GRAMD1B: variants seen among roughly 807,000 people sequenced by gnomAD.
GRAMD1B encodes GRAM domain containing 1B.
In GRAMD1B, 37 loss-of-function variants were observed where a neutral mutation model predicts 99.7. The observed-to-expected ratio is 0.37, with a 90% confidence interval of 0.29 to 0.49. The LOEUF is 0.49. Among genes scored for constraint, GRAMD1B ranks in the 20% least tolerant of loss-of-function variants. The pLI, the probability that GRAMD1B is intolerant of heterozygous loss-of-function variation, is 0.98. For missense variants in GRAMD1B, 888 were observed against 1,009.2 expected, an observed-to-expected ratio of 0.88 and a Z score of 1.63; for synonymous variants, 427 against 387.6, an observed-to-expected ratio of 1.10 and a Z score of -1.19.
At chr11:123,401,311 A>G (rs1947652755) in intron 1 of GRAMD1B, among the ~76,000 whole-genome samples, 1 of 152,200 alleles carries the variant, frequency 6.6e-6, no homozygotes, top group Non-Finnish European at 1.5e-5. Flanking sequence ...CTATTCTGCT[A>G]GAAGCATCCC....
At chr11:123,614,302 T>C (rs183262233) in intron 16 of GRAMD1B, among the ~76,000 whole-genome samples, 1 of 152,206 alleles carries the variant, frequency 6.6e-6, no homozygotes. Context: ...ACTTCCATGT[T>C]ACGTGTTTTG....
chr11:123,367,678 C>T (rs1946366226), intron 1 of GRAMD1B, among the ~76,000 whole-genome samples: 1 of 151,394 alleles, frequency 6.6e-6, no homozygotes, highest in South Asian at 2.1e-4. Flanking sequence ...TTAACTGAGG[C>T]AACACCATTT....
intron 1 of GRAMD1B, among the ~76,000 whole-genome samples, chr11:123,472,680 T>A (rs995220929): frequency 6.6e-6 from 1 of 152,270 alleles, no homozygotes; most frequent in Admixed American, 6.5e-5. Context: ...GTGTCTGATT[T>A]ATATAGGGCT....
chr11:123,579,065 A>G (rs73615848), intron 3 of GRAMD1B, among the ~76,000 whole-genome samples: 8,238 of 152,258 alleles, frequency 0.054, 337 homozygotes, highest in African/African-American at 0.12. Context: ...ATCAGAGGGG[A>G]AAGCTGTTCT....
Position 123,596,620 on chromosome 11 carries a change from A to G in GRAMD1B, c.969+583A>G, listed in dbSNP as rs141757495. On this transcript the variant is annotated intron_variant, in intron 7 of 19. Transcript: ENST00000635736. ...TGGGTTTCTGCTGAAGGCCAAGTTTACAGTTCCCTTGGACTCAGGCAGTTC... is the reference window on the plus strand; with the variant it reads ...TGGGTTTCTGCTGAAGGCCAAGTTTGCAGTTCCCTTGGACTCAGGCAGTTC... Among the ~76,000 whole-genome samples the G allele has an allele frequency of 3.9e-5, 6 of 152,376 alleles. No homozygotes were observed. The East Asian group carries it at 1.2e-3, about 29-fold the overall frequency.
At chr11:123,463,492 T>G (rs1246074910) in intron 1 of GRAMD1B, among the ~76,000 whole-genome samples, 1 of 152,212 alleles carries the variant, frequency 6.6e-6, no homozygotes, top group Non-Finnish European at 1.5e-5. Context: ...CTTGAATGAA[T>G]TGAAAAAAGC....
chr11:123,614,659 A>G (rs1397524548), intron 16 of GRAMD1B, 86 bp from the exon 17 acceptor site: 6 of 721,056 alleles, frequency 8.3e-6, no homozygotes, highest in Non-Finnish European at 1.5e-5. Context: ...TCAGTCTCTG[A>G]TGTTTGCTGT....
intron 2 of GRAMD1B, among the ~76,000 whole-genome samples, chr11:123,505,158 A>C (rs184107037): frequency 4.1e-4 from 62 of 151,784 alleles, no homozygotes; most frequent in African/African-American, 1.5e-3. Context: ...TATTTTAGTG[A>C]CTGTCTCACC....
At chr11:123,359,601 T>G (rs1264591439) in intron 1 of GRAMD1B, among the ~76,000 whole-genome samples, 1 of 152,036 alleles carries the variant, frequency 6.6e-6, no homozygotes, top group African/African-American at 2.4e-5. Context: ...AACAGCTGCT[T>G]GCTGCCCCCA....
rs1368239562 is a variant in GRAMD1B at position 123,608,789 on chromosome 11, G to A, written c.1644G>A (p.Gln548=). 7.1e-6 allele frequency: 11 copies of A among 1,549,380 alleles called. No individual in the cohort carries two copies. Among genetic ancestry groups the A allele is most frequent in the Non-Finnish European group, 9.6e-6 (11 of 1,145,712 alleles). ...NSPFQRDFME[Q]RRFSDIIFHP... ...CCTTCCAGCGGGATTTCATGGAGCA[G>A]CGGCGCTTCTCTGGTCCGTTCTGCT... is the stretch of plus-strand genomic sequence containing the variant. The change falls in exon 12 of 20, where the codon CAG becomes CAA. Residue 548 remains glutamine, a synonymous_variant. Coordinates refer to ENST00000635736, the MANE Select transcript of GRAMD1B (RefSeq NM_001387025.1).
At chr11:123,360,908 C>T (rs1946126425) in intron 1 of GRAMD1B, among the ~76,000 whole-genome samples, 1 of 151,914 alleles carries the variant, frequency 6.6e-6, no homozygotes, top group South Asian at 2.1e-4. Context: ...CCTCCGCCTT[C>T]CGGTTTCAAG....
intron 1 of GRAMD1B, among the ~76,000 whole-genome samples, chr11:123,466,144 T>C (rs1950646228): frequency 6.6e-6 from 1 of 151,848 alleles, no homozygotes; most frequent in African/African-American, 2.4e-5. Context: ...GGAGTGGTGG[T>C]GGACGCCTGT....
In GRAMD1B at chr11:123,610,517, C is replaced by G. The variant is rs1355340754; in HGVS notation, c.1919+179C>G. On this transcript the variant is annotated intron_variant, in intron 14 of 19. Transcript: ENST00000635736. The surrounding 1 kb of genome is among the most constrained non-coding windows in gnomAD (Gnocchi z 4.1). ...CCACTCTGTTTGAGTTAATTATTCT[C>G]TCCACTCTCTACATCTTGTTAGTAA... Among the ~76,000 whole-genome samples, 2 of 152,226 alleles carry G rather than the reference C, an allele frequency of 1.3e-5. No homozygotes were observed. Among genetic ancestry groups the G allele is most frequent in the Non-Finnish European group, 2.9e-5 (2 of 68,038 alleles).
At chr11:123,451,483 T>A (rs529016216) in intron 1 of GRAMD1B, among the ~76,000 whole-genome samples, 2 of 152,354 alleles carry the variant, frequency 1.3e-5, no homozygotes, top group South Asian at 4.1e-4. Context: ...ACGTGTGTTG[T>A]ATCTGACATT....
At chr11:123,553,269 G>T (rs1253949240) in intron 2 of GRAMD1B, among the ~76,000 whole-genome samples, 1 of 152,216 alleles carries the variant, frequency 6.6e-6, no homozygotes, top group African/African-American at 2.4e-5. Flanking sequence ...CCAGGAGCCA[G>T]TTATTCTATT....
intron 1 of GRAMD1B, chr11:123,459,472 C>G (rs1339624430): frequency 6.6e-6 from 1 of 152,048 alleles, no homozygotes; most frequent in Non-Finnish European, 1.5e-5. Flanking sequence ...CTAGGCTGGT[C>G]TCCAACTCCC....
intron 2 of GRAMD1B, among the ~76,000 whole-genome samples, chr11:123,554,899 A>G (rs1470691606): frequency 6.6e-6 from 1 of 152,206 alleles, no homozygotes; most frequent in African/African-American, 2.4e-5. Flanking sequence ...GCTAAAATTC[A>G]GAACTTATTG....
At chr11:123,471,063 A>G (rs1020935447) in intron 1 of GRAMD1B, among the ~76,000 whole-genome samples, 5 of 152,172 alleles carry the variant, frequency 3.3e-5, no homozygotes, top group South Asian at 2.1e-4. Context: ...GTGCTCTGCT[A>G]TCTTTGGGAG....
intron 2 of GRAMD1B, among the ~76,000 whole-genome samples, chr11:123,573,422 T>C (rs948048334): frequency 5.3e-5 from 8 of 152,192 alleles, no homozygotes; most frequent in South Asian, 2.1e-4. Context: ...AGGCAGGAAG[T>C]TGATTCCTTC....
Sources: allele counts gnomAD v4.1 joint callset (sites outside exome capture counted in the v4.1 genomes callset), GRCh38; gene constraint gnomAD v4.1.1; non-coding constraint Gnocchi (gnomAD v3.1); transcripts MANE v1.5; gene names NCBI Gene and HGNC (gene_info 2026-07-23, HGNC 2026-07-21).